HSPA4: variants seen among roughly 807,000 people sequenced by gnomAD.
HSPA4 encodes heat shock protein family A (Hsp70) member 4.
Under a neutral mutation model 106.2 loss-of-function variants are expected in HSPA4, and 25 were observed. The ratio of observed to expected loss-of-function variants is 0.24; its 90% CI spans 0.17 to 0.33. The LOEUF (loss-of-function observed/expected upper bound fraction) is 0.33, where lower values mean the gene tolerates loss of function less well. Ranked by LOEUF, HSPA4 falls within the 10% of genes least tolerant of loss-of-function variation. HSPA4 has a pLI of 1.00. For synonymous variants in HSPA4, 332 were observed against 333.6 expected, an observed-to-expected ratio of 1.00 and a Z score of 0.05; for missense variants, 841 against 996.0, an observed-to-expected ratio of 0.84 and a Z score of 2.10.
Position 133,089,652 on chromosome 5 carries a change from C to T in HSPA4, c.1335C>T (p.Tyr445=). 2 of 1,611,472 alleles carry T rather than the reference C, an allele frequency of 1.2e-6. No homozygotes were observed. The highest frequency in any genetic ancestry group is 1.3e-5 in the African/African-American group (1 of 74,810). ...AGGAACCTTTCACTCTTGAGGCCTA[C>T]TACAGCTCTCCTCAGGATTTGCCCT... is the stretch of plus-strand genomic sequence containing the variant. The part of the protein sequence containing the change: ...YRKEPFTLEA[Y]YSSPQDLPYP... Residue 445 remains tyrosine, a synonymous_variant, in exon 11 of 19, where the codon TAC becomes TAT. Coordinates refer to ENST00000304858, the MANE Select transcript of HSPA4 (RefSeq NM_002154.4).
rs1171778863 is a variant in HSPA4, at chr5:133,062,600, CAG to C, written c.108-2376_108-2375del. ...ATTTATTTGCATCTAGTGTCTAAAA[CAG>C]AGATTTTATTTGTTTTAGTGATTGG... On this transcript the variant is annotated intron_variant, in intron 1 of 18. Coordinates refer to ENST00000304858, the MANE Select transcript of HSPA4 (RefSeq NM_002154.4). Among the ~76,000 whole-genome samples the C allele has an allele frequency of 8.6e-5, 13 of 152,012 alleles. No individual in the cohort carries two copies. The South Asian group carries it at 2.1e-3, about 24-fold the overall frequency.
Position 133,074,005 on chromosome 5 carries a change from A to G in HSPA4, c.542A>G (p.Tyr181Cys), listed in dbSNP as rs1765417081. The change falls in exon 6 of 19, where the codon TAT (tyrosine) becomes TGT (cysteine). Residue 181 changes from tyrosine (Y) to cysteine (C), a missense_variant. Physicochemically the swap from Tyr to Cys is radical, Grantham distance 194 (BLOSUM62 -2). This residue lies in a region of HSPA4 where 347 missense variants were observed against 408.7 expected (regional missense o/e 0.85). Transcript: ENST00000304858. ...MNETTAVALA[Y>C]GIYKQDLPAL... is the part of the protein sequence containing the mutation. The stretch of plus-strand genomic sequence containing the variant: ...TTTTCTTCTGTAGTTGCTCTTGCAT[A>G]TGGAATCTATAAGCAGGATCTTCCT... 2 of 1,576,014 alleles carry G rather than the reference A, an allele frequency of 1.3e-6. No individual in the cohort carries two copies. The highest frequency in any genetic ancestry group is 2.8e-5 in the African/African-American group (2 of 72,632).
rs1561583645 is a variant in HSPA4, at chr5:133,088,415, G to C, written c.997G>C (p.Glu333Gln). Residue 333 changes from glutamate to glutamine, a missense_variant, in exon 9 of 19, where the codon GAA becomes CAA. Coordinates refer to ENST00000304858, the MANE Select transcript of HSPA4 (RefSeq NM_002154.4). ...TTCTTTAAAAATAGAGTTAAAGAAA[G>C]AAGATATTTATGCAGTGGAGATAGT... ...SVLEQTKLKK[E>Q]DIYAVEIVGG... is the part of the protein sequence containing the mutation. The C allele has an allele frequency of 6.2e-7, 1 of 1,605,734 alleles. No individual in the cohort carries two copies.
At chr5:133,099,023 C>T (rs760245242) in intron 15 of HSPA4, among the ~76,000 whole-genome samples, 1 of 152,114 alleles carries the variant, frequency 6.6e-6, no homozygotes, top group African/African-American at 2.4e-5. Context: ...TACCGAAAGC[C>T]CTCCACGGCA....
chr5:133,064,663 A>G (rs747649981), intron 1 of HSPA4, among the ~76,000 whole-genome samples: 1 of 152,200 alleles, frequency 6.6e-6, no homozygotes, highest in Non-Finnish European at 1.5e-5. Context: ...GTGAGGGTAC[A>G]TTATTTTATA....
intron 1 of HSPA4, among the ~76,000 whole-genome samples, chr5:133,055,077 C>T (rs930961158): frequency 6.6e-6 from 1 of 152,112 alleles, no homozygotes; most frequent in Non-Finnish European, 1.5e-5. Context: ...AAAAATTTGC[C>T]TCAAAGACAT....
At chr5:133,102,295 T>C (rs781007000) in intron 17 of HSPA4, among the ~76,000 whole-genome samples, 4 of 152,358 alleles carry the variant, frequency 2.6e-5, no homozygotes, top group South Asian at 2.1e-4. Flanking sequence ...ACTTGTTTAA[T>C]AGCACTTTTT....
Position 133,092,815 on chromosome 5 carries a change from T to TTTG in HSPA4, c.1650+28_1650+29insGTT, listed in dbSNP as rs1561585063. Reference sequence around the variant, plus strand: ...GTATGCATTGGGTGGTGTTTTTTTTTTTTTTTTTTTTTTTTTTTTTTTTGA... The same window carrying TTTG: ...GTATGCATTGGGTGGTGTTTTTTTTTTTGTTTTTTTTTTTTTTTTTTTTTTTGA... On this transcript the variant is annotated intron_variant, in intron 13 of 18. Coordinates refer to ENST00000304858, the MANE Select transcript of HSPA4 (RefSeq NM_002154.4). 5 of 857,392 alleles carry TTTG rather than the reference T, an allele frequency of 5.8e-6. No homozygotes were observed. The African/African-American group carries it at 1.7e-4, about 30-fold the overall frequency. The allele number at this position is 857,392 out of a possible 1,614,324, so 53.1% of individuals were successfully genotyped here.
chr5:133,102,894 C>T (rs1765805456), intron 17 of HSPA4, among the ~76,000 whole-genome samples: 1 of 137,066 alleles, frequency 7.3e-6, no homozygotes, highest in African/African-American at 2.8e-5. Context: ...CACGTACCAC[C>T]ACACCCAACT....
intron 13 of HSPA4, among the ~76,000 whole-genome samples, chr5:133,094,554 G>T (rs1267926137): frequency 6.6e-6 from 1 of 152,168 alleles, no homozygotes; most frequent in East Asian, 1.9e-4. Flanking sequence ...GGTGGGATGG[G>T]GGCAGCAGTG....
chr5:133,065,213 T>C (rs1231457928), intron 2 of HSPA4, among the ~76,000 whole-genome samples, 176 bp downstream of exon 2: 1 of 152,230 alleles, frequency 6.6e-6, no homozygotes, highest in Non-Finnish European at 1.5e-5. Flanking sequence ...CCATGGGTTC[T>C]GCATCTGTAG....
chr5:133,072,307 C>A (rs900786228), intron 4 of HSPA4, among the ~76,000 whole-genome samples: 1 of 151,752 alleles, frequency 6.6e-6, no homozygotes, highest in Non-Finnish European at 1.5e-5. Context: ...CAGAGTCAGC[C>A]TGTGCTTAAC....
At chr5:133,072,341 C>T (rs927694549) in intron 4 of HSPA4, among the ~76,000 whole-genome samples, 12 of 149,622 alleles carry the variant, frequency 8.0e-5, no homozygotes, top group South Asian at 2.1e-4. Flanking sequence ...TGTAACAATA[C>T]GGGTGAAATG....
chr5:133,098,318 T>C (rs1765739992), intron 15 of HSPA4, among the ~76,000 whole-genome samples: 1 of 152,084 alleles, frequency 6.6e-6, no homozygotes. Context: ...TATTTTTTAT[T>C]TATTTATTTT....
At chr5:133,067,596 T>G in intron 3 of HSPA4, 39 bp downstream of exon 3, 3 of 1,485,012 alleles carry the variant, frequency 2.0e-6, no homozygotes, top group African/African-American at 1.4e-5. Context: ...TTAAAATGCA[T>G]TATTATATTT....
At chr5:133,092,469 A>G (rs1765657984) in intron 12 of HSPA4, among the ~76,000 whole-genome samples, 1 of 152,168 alleles carries the variant, frequency 6.6e-6, no homozygotes, top group Admixed American at 6.6e-5. Flanking sequence ...ATTCTTGTGT[A>G]TGTAAGGGTA....
chr5:133,093,938 C>A (rs373532985), intron 13 of HSPA4, among the ~76,000 whole-genome samples: 2 of 152,038 alleles, frequency 1.3e-5, no homozygotes, highest in Non-Finnish European at 2.9e-5. Context: ...ACTAAAAATA[C>A]AAAATTTATC....
chr5:133,092,768 G>A lies in HSPA4; in HGVS notation c.1629G>A (p.Lys543=). Residue 543 remains lysine (K), a synonymous_variant, in exon 13 of 19, where the codon AAG becomes AAA. Coordinates refer to ENST00000304858, the MANE Select transcript of HSPA4 (RefSeq NM_002154.4). Reference sequence around the variant, plus strand: ...AGCAGCAGACACCAGCAGAAAATAAGGCAGAGTCTGAAGAAATGGAGGTAT... The same window carrying A: ...AGCAGCAGACACCAGCAGAAAATAAAGCAGAGTCTGAAGAAATGGAGGTAT... ...EQQQQTPAEN[K]AESEEMETSQ... 6.6e-7 allele frequency: 1 copy of A among 1,507,056 alleles called. No homozygotes were observed. The highest frequency in any genetic ancestry group is 9.1e-7 in the Non-Finnish European group (1 of 1,093,488). 93.4% of individuals were successfully genotyped at this position (1,507,056 alleles called of 1,614,324 possible).
At chr5:133,083,059 C>T (rs931412467) in intron 7 of HSPA4, among the ~76,000 whole-genome samples, 4 of 149,504 alleles carry the variant, frequency 2.7e-5, no homozygotes, top group Non-Finnish European at 4.4e-5. Flanking sequence ...TGCTTGGACC[C>T]GGGAGGTGGA....
Sources: allele counts gnomAD v4.1 joint callset (sites outside exome capture counted in the v4.1 genomes callset), GRCh38; gene constraint gnomAD v4.1.1; regional missense constraint gnomAD v4.1.1; transcripts MANE v1.5; gene names NCBI Gene and HGNC (gene_info 2026-07-23, HGNC 2026-07-21).